SGCZ: variants seen among roughly 807,000 people sequenced by gnomAD.
The protein encoded by SGCZ is sarcoglycan zeta.
SGCZ carries 40 observed loss-of-function variants against 41.3 expected under a neutral mutation model. The observed-to-expected ratio is 0.97, with a 90% CI of 0.75 to 1.26. The LOEUF (loss-of-function observed/expected upper bound fraction) is 1.26, where lower values mean the gene tolerates loss of function less well. Among genes scored for constraint, SGCZ ranks in the 50% most tolerant of loss-of-function variants. The pLI is 0.00. For missense variants in SGCZ, 552 were observed against 369.8 expected (o/e 1.49, Z -4.04); for synonymous variants, 206 against 137.5 (o/e 1.50, Z -3.49).
intron 1 of SGCZ, among the ~76,000 whole-genome samples, chr8:15,098,839 A>T (rs1268049043): frequency 6.6e-6 from 1 of 152,232 alleles, no homozygotes; most frequent in African/African-American, 2.4e-5. Flanking sequence ...AGGGCGGATC[A>T]CCTGAGGTCA....
At chr8:15,221,955 G>T (rs946212285) in intron 1 of SGCZ, among the ~76,000 whole-genome samples, 2 of 152,168 alleles carry the variant, frequency 1.3e-5, no homozygotes, top group African/African-American at 2.4e-5. Context: ...TTCAATTGTA[G>T]CTTTTGCATT....
intron 3 of SGCZ, among the ~76,000 whole-genome samples, chr8:14,289,414 T>C (rs1465194248): frequency 6.6e-6 from 1 of 152,156 alleles, no homozygotes; most frequent in Non-Finnish European, 1.5e-5. Context: ...TTGTTATACT[T>C]AGGTCTTAGA....
intron 1 of SGCZ, among the ~76,000 whole-genome samples, chr8:14,783,767 T>C (rs939727434): frequency 1.3e-5 from 2 of 152,146 alleles, no homozygotes; most frequent in African/African-American, 4.8e-5. Flanking sequence ...TGGAAATAAC[T>C]GGCAATCTGA....
intron 1 of SGCZ, among the ~76,000 whole-genome samples, chr8:15,127,160 A>C (rs531080921): frequency 6.6e-6 from 1 of 152,242 alleles, no homozygotes; most frequent in East Asian, 1.9e-4. Context: ...TAGGGTAGTC[A>C]AAGAGGTACA....
chr8:14,272,488 G>A (rs1800097133), intron 3 of SGCZ, among the ~76,000 whole-genome samples: 1 of 152,158 alleles, frequency 6.6e-6, no homozygotes, highest in Admixed American at 6.5e-5. Context: ...TTTTTGTGGG[G>A]TGAATGACTT....
At chr8:14,756,040 T>C (rs1585234480) in intron 1 of SGCZ, among the ~76,000 whole-genome samples, 1 of 152,148 alleles carries the variant, frequency 6.6e-6, no homozygotes, top group Non-Finnish European at 1.5e-5. Context: ...AAACTGTGCC[T>C]CGCCACTCAT....
chr8:14,499,163 T>A (rs1280783772), intron 2 of SGCZ, among the ~76,000 whole-genome samples: 1 of 152,016 alleles, frequency 6.6e-6, no homozygotes, highest in East Asian at 1.9e-4. Context: ...GTGTGAAAAA[T>A]CTAATTATAG....
intron 1 of SGCZ, among the ~76,000 whole-genome samples, chr8:14,613,979 G>T (rs1185927474): frequency 6.6e-6 from 1 of 152,062 alleles, no homozygotes; most frequent in Non-Finnish European, 1.5e-5. Flanking sequence ...GATTTTTTTA[G>T]AAATTAAATT....
At chr8:14,265,551 G>T (rs1563221998) in intron 3 of SGCZ, among the ~76,000 whole-genome samples, 1 of 152,066 alleles carries the variant, frequency 6.6e-6, no homozygotes, top group Non-Finnish European at 1.5e-5. Flanking sequence ...ACAGCTACAA[G>T]AACAGATTTT....
At chr8:15,016,662 A>G (rs1803047812) in intron 1 of SGCZ, among the ~76,000 whole-genome samples, 1 of 152,180 alleles carries the variant, frequency 6.6e-6, no homozygotes, top group African/African-American at 2.4e-5. Context: ...ACGTTTGATA[A>G]TTATTTACAT....
intron 2 of SGCZ, among the ~76,000 whole-genome samples, chr8:14,399,839 G>C (rs1000650204): frequency 6.6e-6 from 1 of 151,886 alleles, no homozygotes; most frequent in Admixed American, 6.6e-5. Context: ...CATCCTTATT[G>C]AGCTACACTT....
At chr8:14,141,510 T>A (rs1245047689) in intron 5 of SGCZ, among the ~76,000 whole-genome samples, 1 of 152,136 alleles carries the variant, frequency 6.6e-6, no homozygotes, top group African/African-American at 2.4e-5. Context: ...GCAAAGGATA[T>A]GAACAGACAC....
At chr8:14,097,085 T>C (rs1563123659) in intron 7 of SGCZ, among the ~76,000 whole-genome samples, 1 of 152,138 alleles carries the variant, frequency 6.6e-6, no homozygotes. Flanking sequence ...AGTTTTTTTG[T>C]GTATCTCCTT....
At chr8:14,949,505 T>A (rs1021843346) in intron 1 of SGCZ, among the ~76,000 whole-genome samples, 2 of 152,134 alleles carry the variant, frequency 1.3e-5, no homozygotes, top group Non-Finnish European at 2.9e-5. Flanking sequence ...GAAGATTTAT[T>A]ATCATAAGAA....
intron 3 of SGCZ, among the ~76,000 whole-genome samples, chr8:14,246,909 C>CAA (rs5889525): frequency 3.9e-4 from 33 of 84,286 alleles, no homozygotes; most frequent in African/African-American, 6.0e-4. Flanking sequence ...GACTCCATCT[C>CAA]AAAAAAAAAA....
chr8:15,012,607 AT>A (rs1802874398), intron 1 of SGCZ, among the ~76,000 whole-genome samples: 1 of 74,820 alleles, frequency 1.3e-5, no homozygotes, highest in African/African-American at 7.9e-5. Context: ...TATTTATATA[AT>A]ACATATATGT....
chr8:14,630,620 C>G (rs1366662794), intron 1 of SGCZ, among the ~76,000 whole-genome samples: 1 of 151,992 alleles, frequency 6.6e-6, no homozygotes, highest in Non-Finnish European at 1.5e-5. Flanking sequence ...TTGGAACCAA[C>G]CCAAATGTCC....
At chr8:14,256,120 T>G (rs1799456988) in intron 3 of SGCZ, among the ~76,000 whole-genome samples, 1 of 152,164 alleles carries the variant, frequency 6.6e-6, no homozygotes, top group Non-Finnish European at 1.5e-5. Context: ...GCTGGGATAC[T>G]TGATAGATGG....
At chr8:15,118,098 C>T (rs562260876) in intron 1 of SGCZ, among the ~76,000 whole-genome samples, 33 of 152,156 alleles carry the variant, frequency 2.2e-4, no homozygotes, top group African/African-American at 8.0e-4. Flanking sequence ...TATTTAGTTG[C>T]GGTAAAAAAG....
Sources: allele counts gnomAD v4.1 joint callset (sites outside exome capture counted in the v4.1 genomes callset), GRCh38; gene constraint gnomAD v4.1.1; transcripts MANE v1.5; gene names NCBI Gene and HGNC (gene_info 2026-07-23, HGNC 2026-07-21).